Variants in PCDH9 observed in about 807,000 individuals in gnomAD.
The protein encoded by PCDH9 is protocadherin-9.
A neutral mutation model predicts 70.6 loss-of-function variants in PCDH9; 24 were observed. That is an observed-to-expected ratio of 0.34 (90% confidence interval 0.25 to 0.48). The LOEUF (loss-of-function observed/expected upper bound fraction) is 0.48. PCDH9 is among the 20% of genes least tolerant of loss of function. PCDH9 has a pLI of 0.99. For synonymous variants in PCDH9, 562 were observed against 558.5 expected (o/e 1.01, Z -0.09); for missense variants, 1,281 against 1,503.6 (o/e 0.85, Z 2.45).
At chr13:67,011,595 T>A (rs1033354812) in intron 2 of PCDH9, among the ~76,000 whole-genome samples, 3 of 151,826 alleles carry the variant, frequency 2.0e-5, no homozygotes, top group African/African-American at 4.8e-5. Flanking sequence ...GTGTCCCATA[T>A]GAAACATCAC....
chr13:66,333,162 G>A (rs1955973117), intron 4 of PCDH9, among the ~76,000 whole-genome samples: 2 of 152,096 alleles, frequency 1.3e-5, no homozygotes, highest in Non-Finnish European at 2.9e-5. Flanking sequence ...ACAAGAATGA[G>A]GAGCTTTTAT....
At position 66,813,370 on chromosome 13, in the gene PCDH9, A is replaced by G. The variant is rs145768807; in HGVS notation, c.3138+90134T>C. On this transcript the variant is annotated intron_variant, in intron 3 of 4. Transcript: ENST00000377865. ...TATTAATAATAGAGATTATTGCTGT[A>G]CAACCTCTGGTGTACAGTTGATACT... Among the ~76,000 whole-genome samples the G allele has an allele frequency of 9.9e-5, 15 of 152,252 alleles. No individual in the cohort carries two copies. The East Asian group carries it at 2.9e-3, about 29-fold the overall frequency.
intron 2 of PCDH9, among the ~76,000 whole-genome samples, chr13:66,913,760 TGTTAAA>T (rs910488286): frequency 6.6e-6 from 1 of 152,080 alleles, no homozygotes; most frequent in Admixed American, 6.6e-5. Context: ...AATGCTTCGT[TGTTAAA>T]GGGACTGTAG....
intron 2 of PCDH9, among the ~76,000 whole-genome samples, chr13:67,140,025 A>ACCTCCC (rs2087335903): frequency 1.5e-5 from 1 of 65,938 alleles, no homozygotes; most frequent in Non-Finnish European, 2.8e-5. Context: ...TTTTTTGATC[A>ACCTCCC]CCCCCCCCCC....
intron 4 of PCDH9, among the ~76,000 whole-genome samples, chr13:66,398,980 T>G (rs1376633397): frequency 6.6e-6 from 1 of 152,172 alleles, no homozygotes; most frequent in Non-Finnish European, 1.5e-5. Flanking sequence ...GAAAAAGCTT[T>G]GTATTTGGAA....
At chr13:67,176,668 A>G (rs965283823) in intron 2 of PCDH9, among the ~76,000 whole-genome samples, 1 of 152,080 alleles carries the variant, frequency 6.6e-6, no homozygotes, top group African/African-American at 2.4e-5. Context: ...ATAATAGAAC[A>G]TCAAGTAAGA....
At chr13:66,453,261 TCTAA>T (rs1163132241) in intron 4 of PCDH9, among the ~76,000 whole-genome samples, 4 of 152,262 alleles carry the variant, frequency 2.6e-5, no homozygotes, top group Admixed American at 6.5e-5. Flanking sequence ...TTCTTTGATC[TCTAA>T]CTATCTAAAA....
intron 4 of PCDH9, among the ~76,000 whole-genome samples, chr13:66,342,734 C>T (rs984852353): frequency 6.6e-6 from 1 of 152,048 alleles, no homozygotes; most frequent in Non-Finnish European, 1.5e-5. Context: ...CTCAGCTTCC[C>T]GAGTAGCTGG....
intron 2 of PCDH9, among the ~76,000 whole-genome samples, chr13:67,153,672 C>T (rs996185066): frequency 2.6e-5 from 4 of 152,152 alleles, no homozygotes; most frequent in African/African-American, 9.7e-5. Context: ...AAGTTATATA[C>T]TTAAGCAAGT....
chr13:66,993,604 A>T (rs2084046987), intron 2 of PCDH9, among the ~76,000 whole-genome samples: 1 of 152,196 alleles, frequency 6.6e-6, no homozygotes, highest in African/African-American at 2.4e-5. Flanking sequence ...TATTTACTTT[A>T]TCCTCCTCAT....
intron 3 of PCDH9, among the ~76,000 whole-genome samples, chr13:66,820,291 A>G (rs1285497397): frequency 6.6e-6 from 1 of 152,144 alleles, no homozygotes; most frequent in African/African-American, 2.4e-5. Context: ...TTAACTTATT[A>G]TTTCTCCTAC....
chr13:66,506,985 A>G (rs1474422956), intron 4 of PCDH9, among the ~76,000 whole-genome samples: 1 of 152,254 alleles, frequency 6.6e-6, no homozygotes, highest in Non-Finnish European at 1.5e-5. Flanking sequence ...GGCATTGCCT[A>G]TAGCTAGAGA....
At chr13:66,936,499 T>C (rs1344062032) in intron 2 of PCDH9, among the ~76,000 whole-genome samples, 2 of 152,154 alleles carry the variant, frequency 1.3e-5, no homozygotes, top group Non-Finnish European at 2.9e-5. Flanking sequence ...TGCCATCATG[T>C]TGGGTGACAA....
At chr13:67,052,306 G>A (rs910812928) in intron 2 of PCDH9, among the ~76,000 whole-genome samples, 1 of 152,052 alleles carries the variant, frequency 6.6e-6, no homozygotes, top group African/African-American at 2.4e-5. Flanking sequence ...TTTAATAAGG[G>A]GTTAGGGAAA....
intron 4 of PCDH9, among the ~76,000 whole-genome samples, chr13:66,623,422 A>G (rs1193079700): frequency 1.3e-5 from 2 of 152,136 alleles, no homozygotes; most frequent in Non-Finnish European, 2.9e-5. Flanking sequence ...ACCTGCTGGC[A>G]AGTAGGCTTT....
intron 4 of PCDH9, among the ~76,000 whole-genome samples, chr13:66,524,468 G>A (rs567970853): frequency 4.6e-5 from 7 of 152,044 alleles, no homozygotes; most frequent in Admixed American, 2.6e-4. Flanking sequence ...GGTAACCAGC[G>A]TCCTTTCTGC....
intron 2 of PCDH9, among the ~76,000 whole-genome samples, chr13:67,013,117 G>C (rs1335387085): frequency 2.0e-5 from 3 of 151,834 alleles, no homozygotes; most frequent in Admixed American, 6.6e-5. Context: ...TGATAACATG[G>C]TCACTGTAAA....
intron 2 of PCDH9, among the ~76,000 whole-genome samples, chr13:67,085,277 AT>A (rs2086084179): frequency 6.6e-6 from 1 of 151,752 alleles, no homozygotes; most frequent in African/African-American, 2.4e-5. Flanking sequence ...AATCCTAAGG[AT>A]TTTTATAATC....
chr13:67,178,337 T>A lies in PCDH9; in HGVS notation c.3036+47068A>T, dbSNP rs1393798362. ...ATTTACTTCTTTATGTCTCAAGTCT[T>A]TCAACTGTAAAATAAGGGTCAATAA... is the stretch of plus-strand genomic sequence containing the variant. On this transcript the variant is annotated intron_variant, in intron 2 of 4. Transcript: ENST00000377865. 2.6e-5 allele frequency among the ~76,000 whole-genome samples: 4 copies of A among 152,202 alleles called. No homozygotes were observed. The South Asian group carries it at 6.2e-4, about 24-fold the overall frequency.
Sources: allele counts gnomAD v4.1 joint callset (sites outside exome capture counted in the v4.1 genomes callset), GRCh38; gene constraint gnomAD v4.1.1; transcripts MANE v1.5; gene names NCBI Gene and HGNC (gene_info 2026-07-23, HGNC 2026-07-21).